Variants in HS3ST1 observed in about 807,000 individuals in gnomAD.
HS3ST1 encodes heparan sulfate glucosamine 3-O-sulfotransferase 1.
HS3ST1 carries 8 observed loss-of-function variants against 20.7 expected under a neutral mutation model. The observed-to-expected ratio is 0.39, with a 90% CI of 0.23 to 0.70. HS3ST1 has a LOEUF of 0.70. Among genes scored for constraint, HS3ST1 ranks in the 30% least tolerant of loss-of-function variants. The pLI is 0.46. For synonymous variants in HS3ST1, 205 were observed against 190.4 expected, an observed-to-expected ratio of 1.08 and a Z score of -0.63; for missense variants, 436 against 423.4, an observed-to-expected ratio of 1.03 and a Z score of -0.26.
At position 11,399,384 on chromosome 4, in the gene HS3ST1, G is replaced by A. The variant is rs1324614207; in HGVS notation, c.622C>T (p.Pro208Ser). ...TCCACAATGTGGATGTGGCGCAGCG[G>A]GAAAAAGCGCAGCCAGTTCTGCATG... is the stretch of plus-strand genomic sequence containing the variant. Reference protein sequence around the residue: ...VHMQNWLRFFPLRHIHIVDGD... With the variant: ...VHMQNWLRFFSLRHIHIVDGD... Residue 208 changes from proline to serine, a missense_variant, in exon 2 of 2, where the codon CCG becomes TCG. Pro to Ser is a moderately conservative substitution (Grantham distance 74, BLOSUM62 -1). Transcript: ENST00000002596. This position sits in a 1 kb window ranked among gnomAD's most constrained non-coding sequence, Gnocchi z 5.1. The A allele has an allele frequency of 1.9e-6, 3 of 1,614,074 alleles. No homozygotes were observed. Among genetic ancestry groups the A allele is most frequent in the Admixed American group, 1.7e-5 (1 of 60,018 alleles).
chr4:11,410,592 T>G (rs548797647), intron 1 of HS3ST1, among the ~76,000 whole-genome samples: 2 of 152,088 alleles, frequency 1.3e-5, no homozygotes, highest in African/African-American at 4.8e-5. Context: ...CTCTAGAAAT[T>G]TAGAAAGAGG....
At chr4:11,411,936 C>T (rs569105718) in intron 1 of HS3ST1, among the ~76,000 whole-genome samples, 1 of 152,172 alleles carries the variant, frequency 6.6e-6, no homozygotes, top group East Asian at 1.9e-4. Flanking sequence ...TGAATTTTCC[C>T]ATCTGAAATA....
intron 1 of HS3ST1, among the ~76,000 whole-genome samples, chr4:11,412,029 G>A (rs1718651363): frequency 6.6e-6 from 1 of 152,194 alleles, no homozygotes; most frequent in South Asian, 2.1e-4. Flanking sequence ...AAAGAGTGGG[G>A]CTGGCATAGA....
chr4:11,401,851 G>A (rs1452257728), intron 1 of HS3ST1, among the ~76,000 whole-genome samples: 1 of 152,236 alleles, frequency 6.6e-6, no homozygotes, highest in Non-Finnish European at 1.5e-5. Context: ...CCTAGATGCT[G>A]TGGGGTTCCA....
chr4:11,414,007 C>T (rs1460556881), intron 1 of HS3ST1: 1 of 152,108 alleles, frequency 6.6e-6, no homozygotes, highest in African/African-American at 2.4e-5. Context: ...GAAGGACTAG[C>T]AGGAGGATGC....
At chr4:11,422,425 A>G (rs1247342800) in intron 1 of HS3ST1, among the ~76,000 whole-genome samples, 1 of 152,188 alleles carries the variant, frequency 6.6e-6, no homozygotes, top group African/African-American at 2.4e-5. Flanking sequence ...ATCCAGTAAC[A>G]AGGTGACTCC....
intron 1 of HS3ST1, among the ~76,000 whole-genome samples, chr4:11,421,992 G>A (rs1159028563): frequency 1.3e-5 from 2 of 152,218 alleles, no homozygotes; most frequent in Non-Finnish European, 1.5e-5. Flanking sequence ...GAGGCAGTGG[G>A]TATTGTCACA....
chr4:11,411,536 T>C (rs1335664441), intron 1 of HS3ST1, among the ~76,000 whole-genome samples: 1 of 152,226 alleles, frequency 6.6e-6, no homozygotes, highest in East Asian at 1.9e-4. Flanking sequence ...ATCATCTTGC[T>C]AATCTTGAAA....
chr4:11,426,457 G>C (rs7696706), intron 1 of HS3ST1, among the ~76,000 whole-genome samples: 41,043 of 151,848 alleles, frequency 0.27, 6,271 homozygotes, highest in African/African-American at 0.41. Context: ...GGACCCAGGG[G>C]GGGGGCTTGA....
At chr4:11,408,355 G>T (rs559696949) in intron 1 of HS3ST1, among the ~76,000 whole-genome samples, 2 of 152,246 alleles carry the variant, frequency 1.3e-5, no homozygotes, top group Middle Eastern at 6.8e-3. Flanking sequence ...AAAAAAAAAT[G>T]TTGGGTGGTA....
In HS3ST1 at chr4:11,399,146, T is replaced by G. The variant is rs1352911708; in HGVS notation, c.860A>C (p.Glu287Ala). The G allele has an allele frequency of 1.2e-6, 2 of 1,614,170 alleles. No individual in the cohort carries two copies. The highest frequency in any genetic ancestry group is 2.2e-5 in the South Asian group (2 of 91,086). The change falls in exon 2 of 2, where the codon GAA (glutamate) becomes GCA (alanine). Residue 287 changes from glutamate (E) to alanine (A), a missense_variant. Physicochemically the swap from Glu to Ala is moderately radical, Grantham distance 107. Coordinates refer to ENST00000002596, the MANE Select transcript of HS3ST1 (RefSeq NM_005114.4). The surrounding 1 kb of genome is among the most constrained non-coding windows in gnomAD (Gnocchi z 5.1). Reference sequence around the variant, plus strand: ...CTTCTTATTTGGCTCATGAAAATATTCGTGCAGTTTATTGAGTAGTTTGGG... The same window carrying G: ...CTTCTTATTTGGCTCATGAAAATATGCGTGCAGTTTATTGAGTAGTTTGGG... The part of the protein sequence containing the change: ...VDPKLLNKLH[E>A]YFHEPNKKFF...
intron 1 of HS3ST1, among the ~76,000 whole-genome samples, chr4:11,427,791 C>G (rs1002828255): frequency 6.6e-6 from 1 of 152,234 alleles, no homozygotes; most frequent in East Asian, 1.9e-4. Flanking sequence ...CACCCCATCC[C>G]GCGCCGGCAC....
chr4:11,410,363 G>A (rs1347207272), intron 1 of HS3ST1, among the ~76,000 whole-genome samples: 1 of 152,236 alleles, frequency 6.6e-6, no homozygotes, highest in Non-Finnish European at 1.5e-5. Context: ...GGACCTCACA[G>A]CAAAGATCAT....
chr4:11,419,630 C>G (rs543205690), intron 1 of HS3ST1, among the ~76,000 whole-genome samples: 5 of 151,944 alleles, frequency 3.3e-5, no homozygotes, highest in Admixed American at 3.3e-4. Flanking sequence ...TATCCTGGAA[C>G]TTAAAGTAAA....
chr4:11,414,404 C>T lies in HS3ST1; in HGVS notation c.-108-14291G>A, dbSNP rs1313103253. Among the ~76,000 whole-genome samples the T allele has an allele frequency of 1.3e-5, 2 of 152,106 alleles. 1 individual carries two copies. Among genetic ancestry groups the T allele is most frequent in the Non-Finnish European group, 2.9e-5 (2 of 68,024 alleles). On this transcript the variant is annotated intron_variant, in intron 1 of 1. Coordinates refer to ENST00000002596, the MANE Select transcript of HS3ST1 (RefSeq NM_005114.4). ...CTGCTTCTCACAACCTTCTCAAGGT[C>T]ATCAGCACATTAATGAAGGAAGCTA...
chr4:11,402,787 A>G (rs1235760874), intron 1 of HS3ST1, among the ~76,000 whole-genome samples: 2 of 152,194 alleles, frequency 1.3e-5, no homozygotes, highest in African/African-American at 4.8e-5. Context: ...CTGACTGTTT[A>G]TGCTCCTTCA....
In HS3ST1 at chr4:11,394,954, A is replaced by C. The variant is rs1022040465; in HGVS notation, c.*4128T>G. On this transcript the variant is annotated 3_prime_UTR_variant, in exon 2 of 2. Transcript: ENST00000002596. Reference sequence around the variant, plus strand: ...AACAGATACACCTGCACAGGAGCCAAATTCACATGGGTGCCTGCTAAGTAA... The same window carrying C: ...AACAGATACACCTGCACAGGAGCCACATTCACATGGGTGCCTGCTAAGTAA... The C allele has an allele frequency of 4.6e-5, 7 of 152,226 alleles. No homozygotes were observed. The highest frequency in any genetic ancestry group is 8.8e-5 in the Non-Finnish European group (6 of 68,048). 9.4% of individuals were successfully genotyped at this position (152,226 alleles called of 1,614,324 possible).
At chr4:11,414,667 A>G (rs191850185) in intron 1 of HS3ST1, among the ~76,000 whole-genome samples, 254 of 152,342 alleles carry the variant, frequency 1.7e-3, no homozygotes, top group African/African-American at 5.5e-3. Context: ...CCAACATGCC[A>G]AGGAAGATGA....
intron 1 of HS3ST1, among the ~76,000 whole-genome samples, chr4:11,427,211 A>G (rs1031657166): frequency 1.3e-5 from 2 of 152,200 alleles, no homozygotes; most frequent in Non-Finnish European, 2.9e-5. Context: ...ACGGGTGGGA[A>G]TGAAGGATCC....
Sources: gnomAD v4.1 joint callset for allele counts (sites outside exome capture counted in the v4.1 genomes callset) on GRCh38, gnomAD v4.1.1 for gene constraint, Gnocchi (gnomAD v3.1) non-coding constraint, MANE v1.5 for transcripts, NCBI Gene and HGNC (gene_info 2026-07-23, HGNC 2026-07-21) for gene names.